NLRP6: variants seen among roughly 807,000 people sequenced by gnomAD.
The protein encoded by NLRP6 is NLR family pyrin domain containing 6, also known as NACHT, LRR and PYD domains-containing protein 6.
NLRP6 carries 55 observed loss-of-function variants against 70.9 expected under a neutral mutation model. That is an observed-to-expected ratio of 0.78 (90% CI 0.62 to 0.97). The LOEUF (loss-of-function observed/expected upper bound fraction) is 0.97, where lower values mean the gene tolerates loss of function less well. NLRP6 is among the 50% of genes least tolerant of loss of function. The probability of loss-of-function intolerance (pLI) is 0.00; values close to 1 mark genes in which losing one functional copy is unlikely to be tolerated. For missense variants in NLRP6, 1,241 were observed against 1,238.3 expected (o/e 1.00, Z -0.03); for synonymous variants, 652 against 581.9 (o/e 1.12, Z -1.73).
rs748222087 is a variant in NLRP6, at chr11:281,464, G to A, written c.1730G>A (p.Arg577Gln). The A allele has an allele frequency of 6.3e-6, 10 of 1,597,960 alleles. No homozygotes were observed. Among genetic ancestry groups the A allele is most frequent in the South Asian group, 2.3e-5 (2 of 88,870 alleles). ...VSERVKQEALRWVQGQGQGCP... is the reference protein window; with the variant it reads ...VSERVKQEALQWVQGQGQGCP... ...GAGCGTGTGAAGCAGGAGGCCCTGC[G>A]GTGGGTGCAGGGACAGGGACAGGGC... is the stretch of plus-strand genomic sequence containing the variant. The change falls in exon 4 of 8, where the codon CGG becomes CAG. Residue 577 changes from arginine (R) to glutamine (Q), a missense_variant. Arg to Gln is a conservative substitution (Grantham distance 43, BLOSUM62 1). Coordinates refer to ENST00000534750, the MANE Select transcript of NLRP6 (RefSeq NM_001276700.2).
At chr11:284,086 C>G (rs1020343543) in intron 5 of NLRP6, 144 bp from the exon 6 acceptor site, 16 of 702,224 alleles carry the variant, frequency 2.3e-5, no homozygotes, top group Non-Finnish European at 3.4e-5. Flanking sequence ...GCAGGGCAGG[C>G]TCTGCGAGGT....
rs1430722616 is a variant in NLRP6 at position 284,287 on chromosome 11, G to A, written c.2256G>A (p.Arg752=). Residue 752 remains arginine, a synonymous_variant, in exon 6 of 8, where the codon AGG becomes AGA. Coordinates refer to ENST00000534750, the MANE Select transcript of NLRP6 (RefSeq NM_001276700.2). The part of the protein sequence containing the change: ...AVCRDLSEAL[R]AAPALTELGL... ...GCCGAGACCTTTCTGAGGCCCTGAG[G>A]GCAGCCCCCGCACTGACGGAGCTGG... is the stretch of plus-strand genomic sequence containing the variant. The A allele has an allele frequency of 1.2e-6, 2 of 1,612,952 alleles. No individual in the cohort carries two copies. The highest frequency in any genetic ancestry group is 8.5e-7 in the Non-Finnish European group (1 of 1,179,988).
rs748346931 is a variant in NLRP6 at position 280,481 on chromosome 11, G to T, written c.747G>T (p.Leu249=). The T allele has an allele frequency of 1.3e-6, 2 of 1,591,908 alleles. No homozygotes were observed. The highest frequency in any genetic ancestry group is 4.5e-5 in the East Asian group (2 of 44,244). The change falls in exon 4 of 8, where the codon CTG becomes CTT. Residue 249 remains leucine, a synonymous_variant. Transcript: ENST00000534750. ...ELLERPGTRS[L]ADLILDQCPD... is the part of the protein sequence containing the mutation. ...TGGAGAGGCCGGGCACGCGCAGCCT[G>T]GCTGACCTGATCCTGGACCAGTGCC...
At chr11:282,927 G>C in intron 5 of NLRP6, 130 bp downstream of exon 5, 3 of 718,986 alleles carry the variant, frequency 4.2e-6, no homozygotes, top group Non-Finnish European at 7.5e-6. Flanking sequence ...GTGGGTGCTG[G>C]AGATGGCAGG....
Position 281,773 on chromosome 11 carries a change from T to C in NLRP6, c.2039T>C (p.Val680Ala), listed in dbSNP as rs764460403. The stretch of plus-strand genomic sequence containing the variant: ...CTGCGGCTGATCAGCTGCAGATTGG[T>C]TGCTGCGCAGGAGAAGAAGAAGAAG... ...QALRLISCRLVAAQEKKKKSL... is the reference protein window; with the variant it reads ...QALRLISCRLAAAQEKKKKSL... Residue 680 changes from valine (V) to alanine (A), a missense_variant, in exon 4 of 8, where the codon GTT becomes GCT. Transcript: ENST00000534750. 15 of 1,608,496 alleles carry C rather than the reference T, an allele frequency of 9.3e-6. No individual in the cohort carries two copies. In the African/African-American group the frequency reaches 2.0e-4, roughly 21 times the overall value.
chr11:279,211 T>A, intron 1 of NLRP6, 116 bp from the exon 2 acceptor site: 1 of 911,584 alleles, frequency 1.1e-6, no homozygotes, highest in Non-Finnish European at 1.4e-6. Context: ...CAGACGATGC[T>A]TGGCCCGGGA....
rs767229171 is a variant in NLRP6, at chr11:278,457, T to C, written c.-113T>C. On this transcript the variant is annotated 5_prime_UTR_variant, in exon 1 of 8. It removes an upstream start codon present in the reference 5' UTR. Transcript: ENST00000534750. This position sits in a 1 kb window ranked among gnomAD's most constrained non-coding sequence, Gnocchi z 4.7. ...AGCTGCGGTGTGTGGACCCGGGGAA[T>C]GGACCGGGCTGGACAACCTCTAAGA... 169 of 829,612 alleles carry C rather than the reference T, an allele frequency of 2.0e-4. 2 individuals carry two copies. Among genetic ancestry groups the C allele is most frequent in the South Asian group, 6.0e-4 (27 of 45,020 alleles). The allele number at this position is 829,612 out of a possible 1,614,324, so 51.4% of individuals were successfully genotyped here.
In NLRP6 at chr11:279,466, G is replaced by T; in HGVS notation, c.169G>T (p.Glu57Ter). Residue 57 changes from glutamate to a stop codon, truncating the protein, a stop_gained, in exon 2 of 8, where the codon GAG (glutamate) becomes TAG (stop). Coordinates refer to ENST00000534750, the MANE Select transcript of NLRP6 (RefSeq NM_001276700.2). LOFTEE classifies it high-confidence loss of function. The stretch of plus-strand genomic sequence containing the variant: ...ACGCAGCATCCCGTGGGGGCGGCTG[G>T]AGCGCGCGGACGCCGTGGACCTCGC... ...DGRSIPWGRL[E>*]RADAVDLAEQ... 1.4e-6 allele frequency: 2 copies of T among 1,418,706 alleles called. No individual in the cohort carries two copies. The highest frequency in any genetic ancestry group is 1.5e-5 in the South Asian group (1 of 68,068). The allele number at this position is 1,418,706 out of a possible 1,614,324, so 87.9% of individuals were successfully genotyped here.
rs199475791 is a variant in NLRP6 at position 278,992 on chromosome 11, G to A, written c.30-335G>A. 16 of 353,806 alleles carry A rather than the reference G, an allele frequency of 4.5e-5. No individual in the cohort carries two copies. The highest frequency in any genetic ancestry group is 3.8e-4 in the Admixed American group (8 of 20,918). 21.9% of individuals were successfully genotyped at this position (353,806 alleles called of 1,614,324 possible). A position where few individuals can be genotyped will look rare whatever the true frequency, so the allele number is the denominator to read the frequency against. On this transcript the variant is annotated intron_variant, in intron 1 of 7. Transcript: ENST00000534750. This position sits in a 1 kb window ranked among gnomAD's most constrained non-coding sequence, Gnocchi z 4.7. ...CTTGGAAATACCTCCCTCGGGGCAT[G>A]TGACCTGTCCTGGGGTGTGGAAGGA... is the stretch of plus-strand genomic sequence containing the variant.
In NLRP6 at chr11:284,555, A is replaced by G. The variant is rs780417395; in HGVS notation, c.2450A>G (p.Asp817Gly). Reference sequence around the variant, plus strand: ...CAGAGCCCTGCCCTGACCACCCTGGATCTCAGCGGCTGCCAACTGCCCGCC... The same window carrying G: ...CAGAGCCCTGCCCTGACCACCCTGGGTCTCAGCGGCTGCCAACTGCCCGCC... ...LRQSPALTTL[D>G]LSGCQLPAPM... The change falls in exon 7 of 8, where the codon GAT becomes GGT. Residue 817 changes from aspartate (D) to glycine (G), a missense_variant. Coordinates refer to ENST00000534750, the MANE Select transcript of NLRP6 (RefSeq NM_001276700.2). 2.2e-5 allele frequency: 36 copies of G among 1,612,576 alleles called. No homozygotes were observed. Among genetic ancestry groups the G allele is most frequent in the Non-Finnish European group, 2.8e-5 (33 of 1,179,820 alleles).
At position 282,603 on chromosome 11, in the gene NLRP6, AG is replaced by A. The variant is rs896334480; in HGVS notation, c.2106-98del. ...GTGGCTCAGCAAGGAGGTGAGGAGG[AG>A]GGGCAGCTCTGAGACCCCAGGACTA... On this transcript the variant is annotated intron_variant, in intron 4 of 7. Transcript: ENST00000534750. 9 of 896,860 alleles carry A rather than the reference AG, an allele frequency of 1.0e-5. No individual in the cohort carries two copies. In the Middle Eastern group the frequency reaches 8.6e-4, roughly 86 times the overall value. The allele number at this position is 896,860 out of a possible 1,614,324, so 55.6% of individuals were successfully genotyped here. A position where few individuals can be genotyped will look rare whatever the true frequency, so the allele number is the denominator to read the frequency against.
In NLRP6 at chr11:281,030, A is replaced by G. The variant is rs923800505; in HGVS notation, c.1296A>G (p.Val432=). The G allele has an allele frequency of 3.1e-6, 5 of 1,612,916 alleles. No homozygotes were observed. In the African/African-American group the frequency reaches 4.0e-5, roughly 13 times the overall value. Residue 432 remains valine, a synonymous_variant, in exon 4 of 8, where the codon GTA becomes GTG. Coordinates refer to ENST00000534750, the MANE Select transcript of NLRP6 (RefSeq NM_001276700.2). The stretch of plus-strand genomic sequence containing the variant: ...CCAGCGTTCTGAGCTCGGCTCCGGT[A>G]GCCGACGGGCCCCGGTTGCAGGGCG... ...FITSVLSSAP[V]ADGPRLQGDL...
chr11:284,821 G>A (rs1312367019), intron 7 of NLRP6, among the ~76,000 whole-genome samples, 179 bp downstream of exon 7: 2 of 152,216 alleles, frequency 1.3e-5, no homozygotes, highest in East Asian at 1.9e-4. Context: ...CTGAAGCCCT[G>A]GCCACAGCTC....
Position 280,139 on chromosome 11 carries a change from G to A in NLRP6, c.405G>A (p.Glu135=). The change falls in exon 4 of 8, where the codon GAG becomes GAA. Residue 135 remains glutamate (E), a synonymous_variant. Coordinates refer to ENST00000534750, the MANE Select transcript of NLRP6 (RefSeq NM_001276700.2). ...HVLQLHARVK[E]RNARSVKITK... The stretch of plus-strand genomic sequence containing the variant: ...TGCAGCTGCACGCTCGGGTGAAGGA[G>A]AGGAACGCCCGCTCCGTGAAGATCA... 1 of 1,547,276 alleles carries A rather than the reference G, an allele frequency of 6.5e-7. No individual in the cohort carries two copies. The highest frequency in any genetic ancestry group is 1.2e-5 in the South Asian group (1 of 83,968).
In NLRP6 at chr11:284,302, G is replaced by A. The variant is rs910065133; in HGVS notation, c.2271G>A (p.Leu757=). ...AGGCCCTGAGGGCAGCCCCCGCACT[G>A]ACGGAGCTGGGCCTCCTCCACAACA... The part of the protein sequence containing the change: ...LSEALRAAPA[L]TELGLLHNRL... Residue 757 remains leucine (L), a synonymous_variant, in exon 6 of 8, where the codon CTG becomes CTA. Transcript: ENST00000534750. 2 of 1,612,670 alleles carry A rather than the reference G, an allele frequency of 1.2e-6. No homozygotes were observed. The highest frequency in any genetic ancestry group is 1.7e-6 in the Non-Finnish European group (2 of 1,179,946).
chr11:279,894 C>A, intron 3 of NLRP6, 22 bp downstream of exon 3: 2 of 1,515,180 alleles, frequency 1.3e-6, no homozygotes, highest in East Asian at 2.4e-5. Flanking sequence ...GCTGGGGGGG[C>A]ACGAGTGTCC....
chr11:285,367 A>AATGGGCCG lies in NLRP6; in HGVS notation c.*63_*64insATGGGCCG. 6.5e-7 allele frequency: 1 copy of AATGGGCCG among 1,535,012 alleles called. No homozygotes were observed. The highest frequency in any genetic ancestry group is 8.9e-7 in the Non-Finnish European group (1 of 1,123,206). ...AAAGTCCCTGTGGAGAGAACGGCCC[A>AATGGGCCG]TTCCAAGGGCAGGAGGATATTGCTC... On this transcript the variant is annotated 3_prime_UTR_variant, in exon 8 of 8. Coordinates refer to ENST00000534750, the MANE Select transcript of NLRP6 (RefSeq NM_001276700.2).
In NLRP6 at chr11:280,868, C is replaced by A. The variant is rs1564832271; in HGVS notation, c.1134C>A (p.Asn378Lys). 6 of 1,613,452 alleles carry A rather than the reference C, an allele frequency of 3.7e-6. No individual in the cohort carries two copies. The highest frequency in any genetic ancestry group is 5.1e-6 in the Non-Finnish European group (6 of 1,179,974). Residue 378 changes from asparagine to lysine, a missense_variant, in exon 4 of 8, where the codon AAC (asparagine) becomes AAA (lysine). By Grantham distance (94) the Asn-to-Lys change is moderately conservative (BLOSUM62 0). Transcript: ENST00000534750. ...GCGCCTACCGCTTCGTGAAGGAGAA[C>A]GAGACGCTGTTCGCGCTGTGCTTCG... ...AERAYRFVKE[N>K]ETLFALCFVP...
chr11:281,064 A>G lies in NLRP6; in HGVS notation c.1330A>G (p.Asn444Asp), dbSNP rs374623075. The change falls in exon 4 of 8, where the codon AAT becomes GAT. Residue 444 changes from asparagine to aspartate, a missense_variant. Physicochemically the swap from Asn to Asp is conservative, Grantham distance 23. Coordinates refer to ENST00000534750, the MANE Select transcript of NLRP6 (RefSeq NM_001276700.2). Reference protein sequence around the residue: ...DGPRLQGDLRNLCRLAREGVL... With the variant: ...DGPRLQGDLRDLCRLAREGVL... ...GCCCCGGTTGCAGGGCGACCTGCGCAATCTGTGCCGCCTGGCCCGCGAGGG... is the reference window on the plus strand; with the variant it reads ...GCCCCGGTTGCAGGGCGACCTGCGCGATCTGTGCCGCCTGGCCCGCGAGGG... 2.6e-5 allele frequency: 42 copies of G among 1,612,796 alleles called. No individual in the cohort carries two copies. Among genetic ancestry groups the G allele is most frequent in the Admixed American group, 3.3e-5 (2 of 59,998 alleles).
Sources: allele counts gnomAD v4.1 joint callset (sites outside exome capture counted in the v4.1 genomes callset), GRCh38; gene constraint gnomAD v4.1.1; non-coding constraint Gnocchi (gnomAD v3.1); transcripts MANE v1.5; gene names NCBI Gene and HGNC (gene_info 2026-07-23, HGNC 2026-07-21).